Variants in KYNU observed in about 807,000 individuals in gnomAD.
The protein encoded by KYNU is L-kynurenine hydrolase.
A neutral mutation model predicts 59.2 loss-of-function variants in KYNU; 54 were observed. The ratio of observed to expected loss-of-function variants is 0.91; its 90% CI spans 0.73 to 1.14. The LOEUF is 1.14. KYNU is among the 50% of genes most tolerant of loss of function. The probability of loss-of-function intolerance (pLI) is 0.00; values close to 1 mark genes in which losing one functional copy is unlikely to be tolerated. For synonymous variants in KYNU, 177 were observed against 192.0 expected (o/e 0.92, Z 0.65); for missense variants, 567 against 554.4 (o/e 1.02, Z -0.23).
At chr2:142,944,213 G>A (rs1326774852) in intron 4 of KYNU, among the ~76,000 whole-genome samples, 3 of 152,166 alleles carry the variant, frequency 2.0e-5, no homozygotes, top group African/African-American at 7.2e-5. Context: ...GAGAATTAGA[G>A]TAGGTACCTT....
At chr2:142,969,755 T>C (rs932650907) in intron 8 of KYNU, among the ~76,000 whole-genome samples, 1 of 152,208 alleles carries the variant, frequency 6.6e-6, no homozygotes, top group African/African-American at 2.4e-5. Flanking sequence ...GAGGGATATC[T>C]ATTTCTCCTG....
At chr2:142,896,613 C>A (rs916280928) in intron 2 of KYNU, among the ~76,000 whole-genome samples, 1 of 151,978 alleles carries the variant, frequency 6.6e-6, no homozygotes, top group African/African-American at 2.4e-5. Context: ...GTGGTACAAT[C>A]ATAGCTCACT....
At chr2:142,927,786 G>A in intron 4 of KYNU, 45 bp downstream of exon 4, 2 of 1,283,420 alleles carry the variant, frequency 1.6e-6, no homozygotes, top group Non-Finnish European at 2.3e-6. Flanking sequence ...TTGTAAAGAT[G>A]TTATCATTTA....
intron 10 of KYNU, among the ~76,000 whole-genome samples, chr2:142,991,223 C>T (rs575559090): frequency 2.0e-5 from 3 of 151,926 alleles, no homozygotes; most frequent in African/African-American, 7.2e-5. Flanking sequence ...TTGAGAATGC[C>T]ATAGCCCAAA....
intron 4 of KYNU, among the ~76,000 whole-genome samples, chr2:142,945,745 A>T (rs897825066): frequency 6.8e-6 from 1 of 147,054 alleles, no homozygotes; most frequent in African/African-American, 2.5e-5. Context: ...ATTGTATTTA[A>T]TTTTTTTTTT....
chr2:142,925,016 A>C (rs1197077013), intron 3 of KYNU, among the ~76,000 whole-genome samples: 1 of 152,204 alleles, frequency 6.6e-6, no homozygotes, highest in African/African-American at 2.4e-5. Flanking sequence ...ACACATCCTT[A>C]AAGATTATTA....
intron 8 of KYNU, among the ~76,000 whole-genome samples, chr2:142,970,201 G>A (rs1055379168): frequency 6.6e-6 from 1 of 152,080 alleles, no homozygotes; most frequent in Non-Finnish European, 1.5e-5. Flanking sequence ...CAACATGAAA[G>A]GTTAGTCGAT....
chr2:142,970,539 G>A (rs1239053572), intron 8 of KYNU, among the ~76,000 whole-genome samples: 1 of 152,122 alleles, frequency 6.6e-6, no homozygotes, highest in East Asian at 1.9e-4. Flanking sequence ...GTACGTGATG[G>A]ATAAATTAAA....
rs186275798 is a variant in KYNU, at chr2:142,967,203, T to G, written c.729+6433T>G. On this transcript the variant is annotated intron_variant, in intron 8 of 13. Coordinates refer to ENST00000264170, the MANE Select transcript of KYNU (RefSeq NM_003937.3). Reference sequence around the variant, plus strand: ...GACCTAGTTGTTAGGAAGAGCCAAATAAGTATTTGTTGAATGAATGAATGA... The same window carrying G: ...GACCTAGTTGTTAGGAAGAGCCAAAGAAGTATTTGTTGAATGAATGAATGA... The G allele has an allele frequency of 6.6e-5, 10 of 152,232 alleles. No individual in the cohort carries two copies. The East Asian group carries it at 1.4e-3, about 21-fold the overall frequency. 9.4% of individuals were successfully genotyped at this position (152,232 alleles called of 1,614,324 possible). A position where few individuals can be genotyped will look rare whatever the true frequency, so the allele number is the denominator to read the frequency against.
chr2:142,996,200 C>T (rs969090283), intron 10 of KYNU, among the ~76,000 whole-genome samples: 1 of 151,988 alleles, frequency 6.6e-6, no homozygotes, highest in South Asian at 2.1e-4. Flanking sequence ...TGTAGTAGGC[C>T]ATCCAAATTC....
At chr2:142,971,964 G>A (rs1181996425) in intron 8 of KYNU, among the ~76,000 whole-genome samples, 3 of 152,118 alleles carry the variant, frequency 2.0e-5, no homozygotes, top group African/African-American at 4.8e-5. Flanking sequence ...AATATTAAAT[G>A]AACTAAATTA....
At chr2:143,036,757 T>C (rs1686904455) in intron 12 of KYNU, among the ~76,000 whole-genome samples, 1 of 152,238 alleles carries the variant, frequency 6.6e-6, no homozygotes, top group Non-Finnish European at 1.5e-5. Flanking sequence ...GCAGTTGGGA[T>C]GACAGACGTG....
intron 10 of KYNU, among the ~76,000 whole-genome samples, chr2:142,995,092 A>G (rs1175636333): frequency 6.6e-6 from 1 of 152,100 alleles, no homozygotes; most frequent in Non-Finnish European, 1.5e-5. Context: ...TATTAACTCA[A>G]AGGATTATTT....
At chr2:143,014,992 C>G (rs1363282018) in intron 10 of KYNU, among the ~76,000 whole-genome samples, 1 of 152,124 alleles carries the variant, frequency 6.6e-6, no homozygotes, top group Non-Finnish European at 1.5e-5. Context: ...TTCCTGGACT[C>G]AAGTGATTCT....
chr2:142,913,264 C>G (rs879341055), intron 2 of KYNU, among the ~76,000 whole-genome samples: 44 of 152,026 alleles, frequency 2.9e-4, no homozygotes, highest in Non-Finnish European at 2.2e-4. Context: ...TTTTCTAGTT[C>G]CTCTTGGTGT....
At position 143,053,513 on chromosome 2, in the gene KYNU, T is replaced by G. The variant is rs1197559515; in HGVS notation, c.*11341T>G. 1 of 152,228 alleles carries G rather than the reference T, an allele frequency of 6.6e-6. No individual in the cohort carries two copies. The highest frequency in any genetic ancestry group is 1.5e-5 in the Non-Finnish European group (1 of 68,052). 9.4% of individuals were successfully genotyped at this position (152,228 alleles called of 1,614,324 possible). A position where few individuals can be genotyped will look rare whatever the true frequency, so the allele number is the denominator to read the frequency against. On this transcript the variant is annotated 3_prime_UTR_variant, in exon 14 of 14. Coordinates refer to ENST00000264170, the MANE Select transcript of KYNU (RefSeq NM_003937.3). ...ACTTTGTCCGCAGTCAAATCTCATCTTGAATTTCTATGTGTTTGGAGAGGT... is the reference window on the plus strand; with the variant it reads ...ACTTTGTCCGCAGTCAAATCTCATCGTGAATTTCTATGTGTTTGGAGAGGT...
intron 2 of KYNU, among the ~76,000 whole-genome samples, chr2:142,914,705 G>A (rs1254158761): frequency 6.6e-6 from 1 of 152,064 alleles, no homozygotes; most frequent in Non-Finnish European, 1.5e-5. Flanking sequence ...AGTTCTCTTT[G>A]ATGTTATTAT....
In KYNU at chr2:143,047,984, A is replaced by G. The variant is rs1687195410; in HGVS notation, c.*5812A>G. The G allele has an allele frequency of 6.6e-6, 1 of 151,088 alleles. No individual in the cohort carries two copies. Among genetic ancestry groups the G allele is most frequent in the East Asian group, 2.0e-4 (1 of 5,100 alleles). 9.4% of individuals were successfully genotyped at this position (151,088 alleles called of 1,614,324 possible). The stretch of plus-strand genomic sequence containing the variant: ...CTCAGCCTCCCAAGTAGCTGGGATT[A>G]CAGGCATGGGCCACTATGCCCAGCT... On this transcript the variant is annotated 3_prime_UTR_variant, in exon 14 of 14. Transcript: ENST00000264170.
At chr2:143,014,177 C>T (rs1411615202) in intron 10 of KYNU, among the ~76,000 whole-genome samples, 1 of 152,202 alleles carries the variant, frequency 6.6e-6, no homozygotes, top group East Asian at 1.9e-4. Context: ...TTTGGACTGC[C>T]CCTTAGGGCT....
Sources: allele counts gnomAD v4.1 joint callset (sites outside exome capture counted in the v4.1 genomes callset), GRCh38; gene constraint gnomAD v4.1.1; transcripts MANE v1.5; gene names NCBI Gene and HGNC (gene_info 2026-07-23, HGNC 2026-07-21).